SETD3: variants seen among roughly 807,000 people sequenced by gnomAD.
The protein encoded by SETD3 is SET domain containing 3, actin N3(tau)-histidine methyltransferase.
SETD3 carries 19 observed loss-of-function variants against 63.0 expected under a neutral mutation model. That is an observed-to-expected ratio of 0.30 (90% CI 0.21 to 0.44). SETD3 has a LOEUF of 0.44. Among genes scored for constraint, SETD3 ranks in the 20% least tolerant of loss-of-function variants. The pLI, the probability that SETD3 is intolerant of heterozygous loss-of-function variation, is 1.00. For synonymous variants in SETD3, 286 were observed against 264.1 expected, an observed-to-expected ratio of 1.08 and a Z score of -0.80; for missense variants, 587 against 728.5, an observed-to-expected ratio of 0.81 and a Z score of 2.24.
chr14:99,399,249 C>A (rs1166919410), intron 12 of SETD3, 124 bp from the exon 13 acceptor site: 1 of 692,926 alleles, frequency 1.4e-6, no homozygotes, highest in Non-Finnish European at 2.4e-6. Context: ...GGTTCTAACA[C>A]TTGACTGGGC....
rs889357438 is a variant in SETD3, at chr14:99,397,863, C to G, written c.*816G>C. ...AGCTGCCTCACACTGCACACCACCA[C>G]GTGAAGCTGTGGGCCGCTGTGTGTT... On this transcript the variant is annotated 3_prime_UTR_variant, in exon 13 of 13. Transcript: ENST00000331768. The G allele has an allele frequency of 6.6e-6, 1 of 152,570 alleles. No individual in the cohort carries two copies. The highest frequency in any genetic ancestry group is 1.5e-5 in the Non-Finnish European group (1 of 68,032). The allele number at this position is 152,570 out of a possible 1,614,324, so 9.5% of individuals were successfully genotyped here.
intron 6 of SETD3, among the ~76,000 whole-genome samples, chr14:99,452,887 G>A (rs1286401620): frequency 1.3e-5 from 2 of 152,212 alleles, no homozygotes; most frequent in Non-Finnish European, 2.9e-5. Flanking sequence ...CACATGCAGA[G>A]TTTGGTACAG....
chr14:99,405,132 C>T, intron 10 of SETD3, 73 bp downstream of exon 10: 2 of 1,516,240 alleles, frequency 1.3e-6, no homozygotes, highest in Non-Finnish European at 8.8e-7. Context: ...TATTAACACA[C>T]CAATTAAACA....
intron 6 of SETD3, among the ~76,000 whole-genome samples, chr14:99,422,419 T>G (rs1451242418): frequency 6.6e-6 from 1 of 152,208 alleles, no homozygotes; most frequent in Non-Finnish European, 1.5e-5. Context: ...CAACTCTCCT[T>G]ATTGTCATGT....
intron 6 of SETD3, among the ~76,000 whole-genome samples, chr14:99,442,367 T>A (rs1371014997): frequency 6.6e-6 from 1 of 152,206 alleles, no homozygotes; most frequent in Non-Finnish European, 1.5e-5. Flanking sequence ...ACATTCTAGA[T>A]GAGAATGAAG....
At chr14:99,407,970 G>C (rs780988257) in intron 8 of SETD3, among the ~76,000 whole-genome samples, 2 of 152,316 alleles carry the variant, frequency 1.3e-5, no homozygotes, top group Admixed American at 6.5e-5. Context: ...CCTTCTCAGA[G>C]TCCTGTCTTT....
intron 1 of SETD3, among the ~76,000 whole-genome samples, chr14:99,474,549 T>C (rs571571893): frequency 6.6e-6 from 1 of 152,264 alleles, no homozygotes; most frequent in East Asian, 1.9e-4. Flanking sequence ...CCCATGTAAG[T>C]ATTATAACTT....
rs150617045 is a variant in SETD3 at position 99,441,599 on chromosome 14, G to A, written c.675+16680C>T. ...ACGGTCAGAAGAGACTCTATGCCAA[G>A]GCTAGAAGAACCCAGGGAAGCCTGC... On this transcript the variant is annotated intron_variant, in intron 6 of 12. Coordinates refer to ENST00000331768, the MANE Select transcript of SETD3 (RefSeq NM_032233.3). Among the ~76,000 whole-genome samples the A allele has an allele frequency of 1.2e-4, 19 of 152,372 alleles. No individual in the cohort carries two copies. The East Asian group carries it at 3.3e-3, about 26-fold the overall frequency.
At chr14:99,410,035 C>T (rs1185801555) in intron 8 of SETD3, 2 of 581,544 alleles carry the variant, frequency 3.4e-6, no homozygotes, top group Non-Finnish European at 6.2e-6. Flanking sequence ...CGGATCTGGA[C>T]AATAGAGGGA....
chr14:99,470,428 CA>C (rs1895637674), intron 1 of SETD3, among the ~76,000 whole-genome samples: 1 of 152,196 alleles, frequency 6.6e-6, no homozygotes, highest in African/African-American at 2.4e-5. Context: ...CTAGGTTAGG[CA>C]GAAAGAATCT....
intron 6 of SETD3, among the ~76,000 whole-genome samples, chr14:99,425,704 A>G (rs1224550529): frequency 6.6e-6 from 1 of 152,246 alleles, no homozygotes; most frequent in African/African-American, 2.4e-5. Flanking sequence ...CTTTTGCAAG[A>G]AACATAAGAC....
At chr14:99,442,547 C>T (rs1893884362) in intron 6 of SETD3, among the ~76,000 whole-genome samples, 1 of 152,222 alleles carries the variant, frequency 6.6e-6, no homozygotes, top group African/African-American at 2.4e-5. Flanking sequence ...CCCTTCTCCT[C>T]TTACTCAATG....
chr14:99,471,270 T>G (rs1895689274), intron 1 of SETD3, among the ~76,000 whole-genome samples: 1 of 152,244 alleles, frequency 6.6e-6, no homozygotes, highest in East Asian at 1.9e-4. Flanking sequence ...AATATATTGG[T>G]GTTACCAATT....
At chr14:99,439,062 C>A (rs1278799829) in intron 6 of SETD3, among the ~76,000 whole-genome samples, 1 of 152,238 alleles carries the variant, frequency 6.6e-6, no homozygotes, top group African/African-American at 2.4e-5. Flanking sequence ...GGCTTCAGCA[C>A]GTATCACACA....
chr14:99,475,270 G>C (rs373219838), intron 1 of SETD3, among the ~76,000 whole-genome samples: 2 of 152,182 alleles, frequency 1.3e-5, no homozygotes, highest in Non-Finnish European at 2.9e-5. Context: ...AATCCCACGC[G>C]TGTTTAAGAT....
intron 6 of SETD3, among the ~76,000 whole-genome samples, chr14:99,422,965 T>A (rs1026956092): frequency 6.6e-6 from 1 of 152,256 alleles, no homozygotes; most frequent in African/African-American, 2.4e-5. Context: ...GCTCTGCTCC[T>A]CCACCTCAGG....
chr14:99,453,454 T>C (rs1227812279), intron 6 of SETD3, among the ~76,000 whole-genome samples: 1 of 152,216 alleles, frequency 6.6e-6, no homozygotes, highest in Non-Finnish European at 1.5e-5. Flanking sequence ...TATTCCTTCC[T>C]GCCACCGCAG....
At chr14:99,480,462 C>T (rs1416962771) in intron 1 of SETD3, among the ~76,000 whole-genome samples, 1 of 151,328 alleles carries the variant, frequency 6.6e-6, no homozygotes, top group East Asian at 1.9e-4. Context: ...GGCGAGCGCG[C>T]GCCTCTCGCC....
Position 99,405,377 on chromosome 14 carries a change from A to T in SETD3, c.925-6T>A. 6.2e-7 allele frequency: 1 copy of T among 1,609,970 alleles called. No homozygotes were observed. Among genetic ancestry groups the T allele is most frequent in the Non-Finnish European group, 8.5e-7 (1 of 1,178,498 alleles). Reference sequence around the variant, plus strand: ...GTGCCATAAAAAATGTAAATCTGAGATGCAGTAAAGAAAAAAGAAAAGGGC... The same window carrying T: ...GTGCCATAAAAAATGTAAATCTGAGTTGCAGTAAAGAAAAAAGAAAAGGGC... On this transcript the variant is annotated splice_region_variant and splice_polypyrimidine_tract_variant and intron_variant, in intron 9 of 12. Transcript: ENST00000331768.
Sources: gnomAD v4.1 joint callset for allele counts (sites outside exome capture counted in the v4.1 genomes callset) on GRCh38, gnomAD v4.1.1 for gene constraint, MANE v1.5 for transcripts, NCBI Gene and HGNC (gene_info 2026-07-23, HGNC 2026-07-21) for gene names.